The following MTMR14 variants were observed in gnomAD, a reference collection of about 807,000 sequenced individuals.
MTMR14 encodes the protein phosphatidylinositol-3,5-bisphosphate 3-phosphatase MTMR14.
MTMR14 carries 48 observed loss-of-function variants against 86.3 expected under a neutral mutation model. That is an observed-to-expected ratio of 0.56 (90% confidence interval 0.44 to 0.71). MTMR14 has a LOEUF of 0.71. Ranked by LOEUF, MTMR14 falls within the 30% of genes least tolerant of loss-of-function variation. MTMR14 has a pLI of 0.00. For missense variants in MTMR14, 780 were observed against 834.6 expected (o/e 0.93, Z 0.81); for synonymous variants, 366 against 326.1 (o/e 1.12, Z -1.32).
chr3:9,663,499 CTCT>C (rs1559568231), intron 3 of MTMR14, among the ~76,000 whole-genome samples: 3 of 91,110 alleles, frequency 3.3e-5, no homozygotes, highest in African/African-American at 1.1e-4. Context: ...TGGAGTCTCT[CTCT>C]TTTTTTTTTT....
At chr3:9,700,357 C>G (rs2076414591) in intron 18 of MTMR14, 1 of 152,134 alleles carries the variant, frequency 6.6e-6, no homozygotes, top group African/African-American at 2.4e-5. Flanking sequence ...GTCTGTGACC[C>G]CTAGAGAGGG....
chr3:9,668,471 A>G (rs1015841000), intron 3 of MTMR14, among the ~76,000 whole-genome samples: 5 of 152,192 alleles, frequency 3.3e-5, no homozygotes, highest in South Asian at 2.1e-4. Context: ...CAACCACCCA[A>G]TCTGATCCGA....
chr3:9,692,766 A>C (rs1048480333), intron 17 of MTMR14, among the ~76,000 whole-genome samples: 1 of 152,220 alleles, frequency 6.6e-6, no homozygotes, highest in African/African-American at 2.4e-5. Flanking sequence ...GCTGAGTAGC[A>C]ACACAGGGAC....
chr3:9,691,954 T>A (rs1453543928), intron 17 of MTMR14, among the ~76,000 whole-genome samples: 1 of 152,134 alleles, frequency 6.6e-6, no homozygotes, highest in Non-Finnish European at 1.5e-5. Flanking sequence ...GAGCCAGACT[T>A]CTTCTGACTT....
At chr3:9,655,296 G>A (rs953052599) in intron 2 of MTMR14, among the ~76,000 whole-genome samples, 14 of 151,400 alleles carry the variant, frequency 9.2e-5, no homozygotes, top group Admixed American at 5.3e-4. Flanking sequence ...GAACCCAGGA[G>A]GTGGAGGTTG....
intron 17 of MTMR14, 84 bp from the exon 18 acceptor site, chr3:9,697,627 C>T (rs569627137): frequency 2.3e-4 from 343 of 1,477,532 alleles, no homozygotes; most frequent in Admixed American, 1.4e-3. Flanking sequence ...GCCAGGGCTG[C>T]GCTAGTCCCC....
At position 9,699,132 on chromosome 3, in the gene MTMR14, A is replaced by T. The variant is rs143658290; in HGVS notation, c.1769+1266A>T. Among the ~76,000 whole-genome samples the T allele has an allele frequency of 3.3e-3, 492 of 150,608 alleles. 3 individuals carry two copies. Among genetic ancestry groups the T allele is most frequent in the African/African-American group, 0.011 (433 of 40,810 alleles). ...GGTTGCCGTGAGTCGAGATCATGCC[A>T]TTGCACTCCAGCCTGGGCAACAAGA... On this transcript the variant is annotated intron_variant, in intron 18 of 18. Coordinates refer to ENST00000296003, the MANE Select transcript of MTMR14 (RefSeq NM_001077525.3).
chr3:9,691,940 T>C (rs1449972651), intron 17 of MTMR14, among the ~76,000 whole-genome samples: 2 of 152,216 alleles, frequency 1.3e-5, no homozygotes, highest in Admixed American at 6.5e-5. Flanking sequence ...GGGATGCCTG[T>C]CTGGAGCCAG....
At chr3:9,662,440 G>A in intron 3 of MTMR14, 65 bp downstream of exon 3, 2 of 1,364,448 alleles carry the variant, frequency 1.5e-6, no homozygotes, top group Non-Finnish European at 2.1e-6. Flanking sequence ...TTACTGCAAA[G>A]TATAGGGTCT....
intron 16 of MTMR14, among the ~76,000 whole-genome samples, chr3:9,689,435 G>C (rs2076069140): frequency 6.6e-6 from 1 of 152,196 alleles, no homozygotes; most frequent in African/African-American, 2.4e-5. Flanking sequence ...AAAGGTAGGT[G>C]TAAGTTGATG....
At position 9,697,882 on chromosome 3, in the gene MTMR14, G is replaced by A. The variant is rs773349852; in HGVS notation, c.1769+16G>A. On this transcript the variant is annotated intron_variant, in intron 18 of 18. Coordinates refer to ENST00000296003, the MANE Select transcript of MTMR14 (RefSeq NM_001077525.3). ...ACAGTTGTCTGTAAGTGTCTTGCTT[G>A]AGAAGGCAGGATGCTCCCCTGCCCA... The A allele has an allele frequency of 6.2e-7, 1 of 1,613,898 alleles. No individual in the cohort carries two copies.
chr3:9,665,973 C>T (rs1487624773), intron 3 of MTMR14, among the ~76,000 whole-genome samples: 5 of 151,514 alleles, frequency 3.3e-5, no homozygotes, highest in African/African-American at 9.7e-5. Flanking sequence ...GTGATCCGCC[C>T]GTCTCGGCCT....
At chr3:9,650,600 G>T in intron 1 of MTMR14, 1 of 293,060 alleles carries the variant, frequency 3.4e-6, no homozygotes, top group Non-Finnish European at 7.0e-6. Context: ...AGTAAGGATT[G>T]GACTTCCTCA....
In MTMR14 at chr3:9,671,313, C is replaced by T. The variant is rs1177917132; in HGVS notation, c.677+143C>T. On this transcript the variant is annotated intron_variant, in intron 6 of 18. Transcript: ENST00000296003. ...TTATCTCACTGTATCTTCAGACAGC[C>T]CTGCAAAATAGGTACCAGTGTCCCC... 7 of 1,155,660 alleles carry T rather than the reference C, an allele frequency of 6.1e-6. No homozygotes were observed. In the Admixed American group the frequency reaches 1.4e-4, roughly 23 times the overall value. 71.6% of individuals were successfully genotyped at this position (1,155,660 alleles called of 1,614,324 possible).
At chr3:9,688,625 G>T in intron 14 of MTMR14, 71 bp from the exon 15 acceptor site, 1 of 1,573,956 alleles carries the variant, frequency 6.4e-7, no homozygotes, top group Non-Finnish European at 8.7e-7. Context: ...AGGACAGGCA[G>T]GATTGGGAAC....
chr3:9,700,457 G>A (rs1361179154), intron 18 of MTMR14: 1 of 152,224 alleles, frequency 6.6e-6, no homozygotes, highest in Non-Finnish European at 1.5e-5. Context: ...GGCCCTTGGG[G>A]ATGTCACACA....
intron 17 of MTMR14, among the ~76,000 whole-genome samples, chr3:9,694,461 G>A (rs1575081323): frequency 1.3e-5 from 2 of 152,220 alleles, no homozygotes; most frequent in Admixed American, 1.3e-4. Flanking sequence ...GAGCACCATA[G>A]TGAGACCTTG....
intron 13 of MTMR14, among the ~76,000 whole-genome samples, chr3:9,685,478 G>A (rs1057369363): frequency 2.6e-5 from 4 of 152,146 alleles, no homozygotes; most frequent in African/African-American, 4.8e-5. Flanking sequence ...CCCACACGTC[G>A]GGGTGAGCAG....
At chr3:9,674,733 A>G (rs2048760428) in intron 7 of MTMR14, among the ~76,000 whole-genome samples, 1 of 152,242 alleles carries the variant, frequency 6.6e-6, no homozygotes, top group Admixed American at 6.5e-5. Context: ...AGTAAAGGAA[A>G]ATGTGCTTAT....
Sources: gnomAD v4.1 joint callset for allele counts (sites outside exome capture counted in the v4.1 genomes callset) on GRCh38, gnomAD v4.1.1 for gene constraint, MANE v1.5 for transcripts, NCBI Gene and HGNC (gene_info 2026-07-23, HGNC 2026-07-21) for gene names.